Variants in STARD3 observed in about 807,000 individuals in gnomAD.
STARD3 encodes StAR related lipid transfer domain containing 3.
A neutral mutation model predicts 62.0 loss-of-function variants in STARD3; 39 were observed. The ratio of observed to expected loss-of-function variants is 0.63; its 90% CI spans 0.49 to 0.82. STARD3 has a LOEUF of 0.82. Ranked by LOEUF, STARD3 falls within the 40% of genes least tolerant of loss-of-function variation. The pLI is 0.00. For missense variants in STARD3, 543 were observed against 584.5 expected, an observed-to-expected ratio of 0.93 and a Z score of 0.73; for synonymous variants, 229 against 242.4, an observed-to-expected ratio of 0.94 and a Z score of 0.51.
intron 8 of STARD3, 123 bp downstream of exon 8, chr17:39,659,229 T>A: frequency 8.0e-7 from 1 of 1,253,392 alleles, no homozygotes; most frequent in Non-Finnish European, 1.1e-6. Flanking sequence ...GCAATGCCCA[T>A]CCGAGTGTCT....
Position 39,658,772 on chromosome 17 carries a change from G to T in STARD3, c.598G>T (p.Gly200Cys), listed in dbSNP as rs147293747. The T allele has an allele frequency of 1.1e-5, 18 of 1,613,870 alleles. No individual in the cohort carries two copies. The highest frequency in any genetic ancestry group is 1.3e-5 in the African/African-American group (1 of 74,870). The change falls in exon 7 of 15, where the codon GGT becomes TGT. Residue 200 changes from glycine to cysteine, a missense_variant. Physicochemically the swap from Gly to Cys is radical, Grantham distance 159. Transcript: ENST00000336308. Reference sequence around the variant, plus strand: ...TGCCCGTGGACCCCTGCTGTTCTCCGGTGCTCTGTCCGAGGGACAGTTCTA... The same window carrying T: ...TGCCCGTGGACCCCTGCTGTTCTCCTGTGCTCTGTCCGAGGGACAGTTCTA... Reference protein sequence around the residue: ...AVARGPLLFSGALSEGQFYSP... With the variant: ...AVARGPLLFSCALSEGQFYSP...
In STARD3 at chr17:39,661,085, G is replaced by A. The variant is rs140920637; in HGVS notation, c.1139G>A (p.Arg380Gln). The A allele has an allele frequency of 1.1e-5, 18 of 1,613,176 alleles. No homozygotes were observed. The highest frequency in any genetic ancestry group is 7.7e-5 in the South Asian group (7 of 91,074). ...SAKPPTHKYVRGENGPGGFIV... is the reference protein window; with the variant it reads ...SAKPPTHKYVQGENGPGGFIV... ...AAGCCCCCGACGCACAAATATGTCC[G>A]GTGAGCCTCACTTTGCCTGGGGTCA... The change falls in exon 13 of 15, where the codon CGG becomes CAG. Residue 380 changes from arginine (R) to glutamine (Q), a missense_variant and splice_region_variant. Arg to Gln is a conservative substitution (Grantham distance 43, BLOSUM62 1). Transcript: ENST00000336308.
chr17:39,646,997 C>T (rs1425493639), intron 1 of STARD3, among the ~76,000 whole-genome samples: 8 of 151,992 alleles, frequency 5.3e-5, no homozygotes, highest in African/African-American at 9.7e-5. Flanking sequence ...GTCAAGAGAT[C>T]GAGACCATCC....
intron 2 of STARD3, among the ~76,000 whole-genome samples, chr17:39,654,542 C>T (rs72827176): frequency 0.036 from 5,027 of 141,172 alleles, 115 homozygotes; most frequent in Non-Finnish European, 0.052. Context: ...CAGTGCTTGG[C>T]CCACCCTCAG....
chr17:39,659,939 T>G, intron 9 of STARD3: 2 of 559,408 alleles, frequency 3.6e-6, no homozygotes, highest in Non-Finnish European at 6.4e-6. Context: ...CCAGTTCTTG[T>G]GGCAGCCCCA....
At chr17:39,658,372 C>T in intron 5 of STARD3, 33 bp from the exon 6 acceptor site, 2 of 1,596,774 alleles carry the variant, frequency 1.3e-6, no homozygotes, top group Non-Finnish European at 1.7e-6. Context: ...TGGGGTGACC[C>T]CTGCCATGGA....
intron 3 of STARD3, 64 bp from the exon 4 acceptor site, chr17:39,657,711 T>C (rs2145014523): frequency 6.3e-7 from 1 of 1,593,358 alleles, no homozygotes. Context: ...AGAGGGGAGG[T>C]CAGCCTGCAG....
At chr17:39,650,136 G>A (rs111245383) in intron 1 of STARD3, among the ~76,000 whole-genome samples, 1 of 152,152 alleles carries the variant, frequency 6.6e-6, no homozygotes, top group African/African-American at 2.4e-5. Flanking sequence ...ACCTCAGAAT[G>A]TGATCTTATT....
intron 7 of STARD3, 45 bp downstream of exon 7, chr17:39,658,865 G>C (rs563569418): frequency 6.2e-7 from 1 of 1,603,332 alleles, no homozygotes; most frequent in Non-Finnish European, 8.5e-7. Flanking sequence ...GAGGGGCCTT[G>C]TGAGGAATGG....
intron 1 of STARD3, among the ~76,000 whole-genome samples, chr17:39,644,692 G>C (rs1327973518): frequency 2.8e-5 from 4 of 144,684 alleles, no homozygotes; most frequent in Non-Finnish European, 6.1e-5. Context: ...AAAAAAAGAA[G>C]AAGAAAAGAA....
intron 1 of STARD3, among the ~76,000 whole-genome samples, chr17:39,646,784 G>C (rs2057029999): frequency 6.6e-6 from 1 of 152,182 alleles, no homozygotes; most frequent in East Asian, 1.9e-4. Flanking sequence ...AGGAAGAGAA[G>C]GCCTGGAAAG....
chr17:39,658,307 G>T (rs918324535), intron 5 of STARD3, 98 bp from the exon 6 acceptor site: 70 of 1,123,618 alleles, frequency 6.2e-5, no homozygotes, highest in Non-Finnish European at 8.7e-5. Context: ...CAGGAATGGG[G>T]TGTATGCCAG....
At chr17:39,657,223 A>T in intron 3 of STARD3, 138 bp downstream of exon 3, 1 of 845,192 alleles carries the variant, frequency 1.2e-6, no homozygotes, top group South Asian at 1.6e-5. Context: ...GCCATCAGTC[A>T]TTAAAACCTT....
intron 1 of STARD3, among the ~76,000 whole-genome samples, chr17:39,646,180 C>T (rs1247700089): frequency 2.0e-5 from 3 of 152,040 alleles, no homozygotes; most frequent in Non-Finnish European, 2.9e-5. Flanking sequence ...TGTGAGCCAC[C>T]GTGTCTGGCT....
intron 1 of STARD3, among the ~76,000 whole-genome samples, chr17:39,643,639 C>G (rs2056999545): frequency 6.6e-6 from 1 of 151,704 alleles, no homozygotes; most frequent in African/African-American, 2.4e-5. Context: ...ACCTCCTCCA[C>G]ACCCAGGGCC....
intron 4 of STARD3, 57 bp downstream of exon 4, chr17:39,657,909 G>A: frequency 6.2e-7 from 1 of 1,613,370 alleles, no homozygotes; most frequent in Non-Finnish European, 8.5e-7. Flanking sequence ...TGGAAGGGAT[G>A]GGATGGAGGA....
At chr17:39,643,928 A>T (rs1255673750) in intron 1 of STARD3, among the ~76,000 whole-genome samples, 1 of 152,248 alleles carries the variant, frequency 6.6e-6, no homozygotes, top group Non-Finnish European at 1.5e-5. Context: ...TTTATAGGCG[A>T]GGAAACTGAG....
Position 39,660,750 on chromosome 17 carries a change from C to T in STARD3, c.955-60C>T. ...AGTTAGTAAAGGGGCCTGGGGTGTT[C>T]CCATCCCTGGGGTTTTCCTGGGGCG... On this transcript the variant is annotated intron_variant, in intron 11 of 14. Transcript: ENST00000336308. This position sits in a 1 kb window ranked among gnomAD's most constrained non-coding sequence, Gnocchi z 4.8. The T allele has an allele frequency of 1.3e-6, 2 of 1,528,086 alleles. No individual in the cohort carries two copies. Among genetic ancestry groups the T allele is most frequent in the South Asian group, 2.6e-5 (2 of 78,110 alleles). The allele number at this position is 1,528,086 out of a possible 1,614,324, so 94.7% of individuals were successfully genotyped here.
chr17:39,637,309 G>T (rs1167521057), intron 1 of STARD3, 78 bp downstream of exon 1: 1 of 152,436 alleles, frequency 6.6e-6, no homozygotes, highest in Non-Finnish European at 1.5e-5. Flanking sequence ...TTCGCCGCCC[G>T]CTGTCCGTGC....
Sources: allele counts gnomAD v4.1 joint callset (sites outside exome capture counted in the v4.1 genomes callset), GRCh38; gene constraint gnomAD v4.1.1; non-coding constraint Gnocchi (gnomAD v3.1); transcripts MANE v1.5; gene names NCBI Gene and HGNC (gene_info 2026-07-23, HGNC 2026-07-21).